The following NGB variants were observed in gnomAD, a reference collection of about 807,000 sequenced individuals.
NGB encodes the protein nitrite reductase.
NGB carries 12 observed loss-of-function variants against 17.3 expected under a neutral mutation model. The ratio of observed to expected loss-of-function variants is 0.69; its 90% confidence interval spans 0.45 to 1.13. The LOEUF (loss-of-function observed/expected upper bound fraction) is 1.13, where lower values mean the gene tolerates loss of function less well. Ranked by LOEUF, NGB falls within the 50% of genes most tolerant of loss-of-function variation. The pLI, the probability that NGB is intolerant of heterozygous loss-of-function variation, is 0.00. For missense variants in NGB, 195 were observed against 191.7 expected, an observed-to-expected ratio of 1.02 and a Z score of -0.10; for synonymous variants, 87 against 81.0, an observed-to-expected ratio of 1.07 and a Z score of -0.40.
rs1443988370 is a variant in NGB at position 77,266,530 on chromosome 14, C to T, written c.*6G>A. The T allele has an allele frequency of 8.1e-6, 13 of 1,609,898 alleles. No individual in the cohort carries two copies. Among genetic ancestry groups the T allele is most frequent in the East Asian group, 4.5e-5 (2 of 44,794 alleles). On this transcript the variant is annotated 3_prime_UTR_variant, in exon 4 of 4. Coordinates refer to ENST00000298352, the MANE Select transcript of NGB (RefSeq NM_021257.4). ...ATGGATGGGGGCTGCCGGGCGGGGT[C>T]GCCTCTTACTCGCCATCCCAGCCTC...
Position 77,266,032 on chromosome 14 carries a change from G to A in NGB, c.*504C>T, listed in dbSNP as rs1889662265. On this transcript the variant is annotated 3_prime_UTR_variant, in exon 4 of 4. Transcript: ENST00000298352. ...CTCCCACTGCCTGGGATTCCACCAA[G>A]AAGGCTAAAGCTGCTCTTTCTCTTT... The A allele has an allele frequency of 2.0e-5, 6 of 300,646 alleles. No homozygotes were observed. Among genetic ancestry groups the A allele is most frequent in the Admixed American group, 1.1e-4 (3 of 26,238 alleles). 18.6% of individuals were successfully genotyped at this position (300,646 alleles called of 1,614,324 possible). A position where few individuals can be genotyped will look rare whatever the true frequency, so the allele number is the denominator to read the frequency against.
At chr14:77,270,002 G>C (rs1439375197) in intron 1 of NGB, among the ~76,000 whole-genome samples, 1 of 151,794 alleles carries the variant, frequency 6.6e-6, no homozygotes, top group Non-Finnish European at 1.5e-5. Flanking sequence ...TGAGAAAAAA[G>C]TGAGCTGGGG....
intron 1 of NGB, among the ~76,000 whole-genome samples, chr14:77,269,581 G>A (rs947631847): frequency 5.9e-5 from 9 of 151,796 alleles, no homozygotes; most frequent in Non-Finnish European, 1.0e-4. Context: ...GGGGTCCCTC[G>A]GTGAATAGCT....
chr14:77,271,015 C>T lies in NGB; in HGVS notation c.-78G>A. On this transcript the variant is annotated 5_prime_UTR_variant, in exon 1 of 4. Coordinates refer to ENST00000298352, the MANE Select transcript of NGB (RefSeq NM_021257.4). ...GTCACCGCACGTGCCGCGCCATCTC[C>T]TCCGCGACGCGGTCCCCTCCGCCCC... 9.1e-7 allele frequency: 1 copy of T among 1,095,188 alleles called. No individual in the cohort carries two copies. The highest frequency in any genetic ancestry group is 1.3e-6 in the Non-Finnish European group (1 of 795,788). The allele number at this position is 1,095,188 out of a possible 1,614,324, so 67.8% of individuals were successfully genotyped here. A position where few individuals can be genotyped will look rare whatever the true frequency, so the allele number is the denominator to read the frequency against.
In NGB at chr14:77,266,478, C is replaced by G. The variant is rs1889672015; in HGVS notation, c.*58G>C. ...GAAGCTTGGGGAGCCTGGGCTACAA[C>G]AGATACAGGCCAACAGACAGACACA... On this transcript the variant is annotated 3_prime_UTR_variant, in exon 4 of 4. Transcript: ENST00000298352. 6.3e-7 allele frequency: 1 copy of G among 1,583,374 alleles called. No homozygotes were observed. Among genetic ancestry groups the G allele is most frequent in the Admixed American group, 1.7e-5 (1 of 57,868 alleles).
chr14:77,269,380 C>T (rs1206189855), intron 1 of NGB, 54 bp from the exon 2 acceptor site: 2 of 1,278,526 alleles, frequency 1.6e-6, no homozygotes, highest in Non-Finnish European at 1.1e-6. Flanking sequence ...CTGCAAGCCC[C>T]AGCAAGCCTG....
rs1377971173 is a variant in NGB at position 77,269,921 on chromosome 14, C to T, written c.90-595G>A. ...TATCCCAGTTTTATAGAGGAGAAAA[C>T]AGAAGCCCGGGGAGGCTAGAACTCG... On this transcript the variant is annotated intron_variant, in intron 1 of 3. Transcript: ENST00000298352. 3.4e-5 allele frequency among the ~76,000 whole-genome samples: 5 copies of T among 147,854 alleles called. No homozygotes were observed. The Admixed American group carries it at 3.5e-4, about 10-fold the overall frequency.
chr14:77,269,428 G>A (rs2140143369), intron 1 of NGB, 102 bp from the exon 2 acceptor site: 2 of 723,494 alleles, frequency 2.8e-6, no homozygotes, highest in Non-Finnish European at 4.8e-6. Context: ...GCCAAGCCAG[G>A]TCTCAGCTGC....
chr14:77,266,559 T>TC lies in NGB; in HGVS notation c.432dup (p.Ser145GlufsTer102), dbSNP rs1889674039. 6 of 1,613,876 alleles carry TC rather than the reference T, an allele frequency of 3.7e-6. No individual in the cohort carries two copies. The highest frequency in any genetic ancestry group is 5.1e-6 in the Non-Finnish European group (6 of 1,179,978). On this transcript the variant is annotated frameshift_variant, in exon 4 of 4. Coordinates refer to ENST00000298352, the MANE Select transcript of NGB (RefSeq NM_021257.4). LOFTEE classifies it high-confidence loss of function. ...TCTTACTCGCCATCCCAGCCTCGAC[T>TC]CATGGCCTGCACTACGGCCCCGTAG...
At chr14:77,270,701 GC>G in intron 1 of NGB, 147 bp downstream of exon 1, 2 of 701,068 alleles carry the variant, frequency 2.9e-6, no homozygotes, top group Non-Finnish European at 4.7e-6. Flanking sequence ...CCGTCGCCGC[GC>G]CCCGCTCCTC....
chr14:77,271,072 G>T lies in NGB; in HGVS notation c.-135C>A. 1.7e-6 allele frequency: 1 copy of T among 597,640 alleles called. No individual in the cohort carries two copies. The highest frequency in any genetic ancestry group is 2.7e-6 in the Non-Finnish European group (1 of 370,140). The allele number at this position is 597,640 out of a possible 1,614,324, so 37.0% of individuals were successfully genotyped here. A position where few individuals can be genotyped will look rare whatever the true frequency, so the allele number is the denominator to read the frequency against. ...GCCCCCCGTGCCTCCGCCCGGCGGG[G>T]GCCGCAGCCGCTCCTTCCCTGGCGC... On this transcript the variant is annotated 5_prime_UTR_variant, in exon 1 of 4. Transcript: ENST00000298352.
rs770328948 is a variant in NGB at position 77,266,532 on chromosome 14, C to A, written c.*4G>T. 4.2e-5 allele frequency: 68 copies of A among 1,610,928 alleles called. No individual in the cohort carries two copies. The highest frequency in any genetic ancestry group is 5.7e-5 in the Non-Finnish European group (67 of 1,178,236). On this transcript the variant is annotated 3_prime_UTR_variant, in exon 4 of 4. Transcript: ENST00000298352. ...GGATGGGGGCTGCCGGGCGGGGTCGCCTCTTACTCGCCATCCCAGCCTCGA... is the reference window on the plus strand; with the variant it reads ...GGATGGGGGCTGCCGGGCGGGGTCGACTCTTACTCGCCATCCCAGCCTCGA...
chr14:77,269,358 G>C, intron 1 of NGB, 32 bp from the exon 2 acceptor site: 1 of 1,446,118 alleles, frequency 6.9e-7, no homozygotes, highest in Non-Finnish European at 9.5e-7. Context: ...GTTAGCCCTG[G>C]GGTGTGAGCT....
At position 77,265,680 on chromosome 14, in the gene NGB, G is replaced by C. The variant is rs1351848464; in HGVS notation, c.*856C>G. ...AGCTGTGGCCTCACAGTCGCTGCAG[G>C]CTGAGCCAGAAAGGAGGGCCAGGGG... is the stretch of plus-strand genomic sequence containing the variant. On this transcript the variant is annotated 3_prime_UTR_variant, in exon 4 of 4. Coordinates refer to ENST00000298352, the MANE Select transcript of NGB (RefSeq NM_021257.4). The surrounding 1 kb of genome is among the most constrained non-coding windows in gnomAD (Gnocchi z 4.7). The C allele has an allele frequency of 6.5e-6, 1 of 154,384 alleles. No homozygotes were observed. The highest frequency in any genetic ancestry group is 1.4e-5 in the Non-Finnish European group (1 of 69,294). The allele number at this position is 154,384 out of a possible 1,614,324, so 9.6% of individuals were successfully genotyped here.
In NGB at chr14:77,270,864, G is replaced by A; in HGVS notation, c.74C>T (p.Thr25Ile). The A allele has an allele frequency of 1.3e-6, 2 of 1,585,818 alleles. No individual in the cohort carries two copies. Among genetic ancestry groups the A allele is most frequent in the Non-Finnish European group, 1.7e-6 (2 of 1,172,366 alleles). ...TAGCCCTCACCTGGCAAACAGGACG[G>A]TGCCGTGCTCCAGCGGGCTGCGGCT... ...AVSRSPLEHG[T>I]VLFARLFALE... The change falls in exon 1 of 4, where the codon ACC becomes ATC. Residue 25 changes from threonine to isoleucine, a missense_variant. Coordinates refer to ENST00000298352, the MANE Select transcript of NGB (RefSeq NM_021257.4).
chr14:77,269,408 G>A (rs1008904013), intron 1 of NGB, 82 bp from the exon 2 acceptor site: 16 of 932,454 alleles, frequency 1.7e-5, no homozygotes, highest in Admixed American at 8.6e-5. Context: ...TGCAGTCAGC[G>A]GGCGGGGGTG....
chr14:77,268,521 A>G lies in NGB; in HGVS notation c.266T>C (p.Leu89Pro). Residue 89 changes from leucine (L) to proline (P), a missense_variant, in exon 3 of 4, where the codon CTT becomes CCT. Coordinates refer to ENST00000298352, the MANE Select transcript of NGB (RefSeq NM_021257.4). ...VEDLSSLEEYLASLGRKHRAV... is the reference protein window; with the variant it reads ...VEDLSSLEEYPASLGRKHRAV... ...CCGGTGCTTCCTGCCCAGGCTGGCAAGGTACTCCTCCAGTGAGGACAGGTC... is the reference window on the plus strand; with the variant it reads ...CCGGTGCTTCCTGCCCAGGCTGGCAGGGTACTCCTCCAGTGAGGACAGGTC... The G allele has an allele frequency of 6.2e-7, 1 of 1,613,660 alleles. No individual in the cohort carries two copies. Among genetic ancestry groups the G allele is most frequent in the Non-Finnish European group, 8.5e-7 (1 of 1,179,978 alleles).
Position 77,268,498 on chromosome 14 carries a change from G to A in NGB, c.289C>T (p.Arg97Trp), listed in dbSNP as rs550314390. ...GAGCTGAGCTTCACACCCACTGCCC[G>A]GTGCTTCCTGCCCAGGCTGGCAAGG... is the stretch of plus-strand genomic sequence containing the variant. Reference protein sequence around the residue: ...EYLASLGRKHRAVGVKLSSFS... With the variant: ...EYLASLGRKHWAVGVKLSSFS... Residue 97 changes from arginine to tryptophan, a missense_variant, in exon 3 of 4, where the codon CGG becomes TGG. Coordinates refer to ENST00000298352, the MANE Select transcript of NGB (RefSeq NM_021257.4). 56 of 1,612,530 alleles carry A rather than the reference G, an allele frequency of 3.5e-5. 1 individual carries two copies. The highest frequency in any genetic ancestry group is 4.5e-5 in the East Asian group (2 of 44,782).
At position 77,268,491 on chromosome 14, in the gene NGB, A is replaced by G; in HGVS notation, c.296T>C (p.Val99Ala). ...LASLGRKHRA[V>A]GVKLSSFSTV... Reference sequence around the variant, plus strand: ...CGAGAAGGAGCTGAGCTTCACACCCACTGCCCGGTGCTTCCTGCCCAGGCT... The same window carrying G: ...CGAGAAGGAGCTGAGCTTCACACCCGCTGCCCGGTGCTTCCTGCCCAGGCT... Residue 99 changes from valine (V) to alanine (A), a missense_variant, in exon 3 of 4, where the codon GTG becomes GCG. Transcript: ENST00000298352. 1.9e-6 allele frequency: 3 copies of G among 1,613,452 alleles called. No individual in the cohort carries two copies. The highest frequency in any genetic ancestry group is 2.5e-6 in the Non-Finnish European group (3 of 1,179,950).
Sources: allele counts gnomAD v4.1 joint callset (sites outside exome capture counted in the v4.1 genomes callset), GRCh38; gene constraint gnomAD v4.1.1; non-coding constraint Gnocchi (gnomAD v3.1); transcripts MANE v1.5; gene names NCBI Gene and HGNC (gene_info 2026-07-23, HGNC 2026-07-21).